The following DNM1L variants were observed in gnomAD, a reference collection of about 807,000 sequenced individuals.
DNM1L encodes dynamin-1-like protein.
A neutral mutation model predicts 92.8 loss-of-function variants in DNM1L; 33 were observed. The observed-to-expected ratio is 0.36, with a 90% CI of 0.27 to 0.48. DNM1L has a LOEUF of 0.48. DNM1L is among the 20% of genes least tolerant of loss of function. The pLI is 0.99. For synonymous variants in DNM1L, 284 were observed against 305.0 expected (o/e 0.93, Z 0.72); for missense variants, 485 against 888.8 (o/e 0.55, Z 5.78).
In DNM1L at chr12:32,731,905, TGTC is replaced by T; in HGVS notation, c.1409_1411del (p.Cys470_Leu471delinsPhe). On this transcript the variant is annotated inframe_deletion, in exon 12 of 20. Coordinates refer to ENST00000549701, the MANE Select transcript of DNM1L (RefSeq NM_012062.5). The surrounding 1 kb of genome is among the most constrained non-coding windows in gnomAD (Gnocchi z 5.1). ...TGATGCCATAGTTGAAGTGGTGACT[TGTC>T]TTCTTCGTAAAAGGTTGCCTGTTAC... 6.2e-7 allele frequency: 1 copy of T among 1,614,062 alleles called. No individual in the cohort carries two copies. The highest frequency in any genetic ancestry group is 8.5e-7 in the Non-Finnish European group (1 of 1,179,932).
At chr12:32,730,666 GATTGTGA>G (rs1383622737) in intron 9 of DNM1L, among the ~76,000 whole-genome samples, 3 of 152,218 alleles carry the variant, frequency 2.0e-5, no homozygotes, top group African/African-American at 7.2e-5. Flanking sequence ...CTCTACTTCA[GATTGTGA>G]ATCAATGGAA....
chr12:32,686,937 CTTTTT>C (rs71447614), intron 1 of DNM1L, among the ~76,000 whole-genome samples: 3 of 95,606 alleles, frequency 3.1e-5, no homozygotes, highest in African/African-American at 1.3e-4. Flanking sequence ...TCTTTTTTTT[CTTTTT>C]TTTTTTTTTT....
chr12:32,681,532 G>C (rs1321478089), intron 1 of DNM1L, among the ~76,000 whole-genome samples: 1 of 151,476 alleles, frequency 6.6e-6, no homozygotes, highest in Admixed American at 6.6e-5. Context: ...CCAGCAGAAA[G>C]AGAGAGAATA....
In DNM1L at chr12:32,738,287, A is replaced by C; in HGVS notation, c.1698A>C (p.Glu566Asp). ...AGTTAATTCAGGACAGCAGAAGAGA[A>C]ACTAAAAATGTGAGTCTCTTGCTTC... ...DGKLIQDSRR[E>D]TKNVASGGGG... Residue 566 changes from glutamate (E) to aspartate (D), a missense_variant, in exon 16 of 20, where the codon GAA (glutamate) becomes GAC (aspartate). By Grantham distance (45) the Glu-to-Asp change is conservative. This residue lies in a region of DNM1L where 133 missense variants were observed against 210.9 expected (regional missense o/e 0.63). Transcript: ENST00000549701. The C allele has an allele frequency of 6.2e-7, 1 of 1,613,686 alleles. No homozygotes were observed. Among genetic ancestry groups the C allele is most frequent in the African/African-American group, 1.3e-5 (1 of 75,050 alleles).
intron 6 of DNM1L, among the ~76,000 whole-genome samples, chr12:32,718,146 A>G (rs551879135): frequency 2.8e-5 from 4 of 142,148 alleles, no homozygotes; most frequent in African/African-American, 5.2e-5. Flanking sequence ...TATGTATAGT[A>G]TATATATATA....
In DNM1L at chr12:32,714,101, C is replaced by A. The variant is rs145749135; in HGVS notation, c.619+730C>A. Among the ~76,000 whole-genome samples, 111 of 152,122 alleles carry A rather than the reference C, an allele frequency of 7.3e-4. No individual in the cohort carries two copies. In the East Asian group the frequency reaches 0.018, roughly 25 times the overall value. On this transcript the variant is annotated intron_variant, in intron 6 of 19. Coordinates refer to ENST00000549701, the MANE Select transcript of DNM1L (RefSeq NM_012062.5). ...TGTTGCTAACAAATGTATGCATGGC[C>A]TCATATAGAAACCATTTTTTTCACC...
In DNM1L at chr12:32,745,100, G is replaced by A. The variant is rs573618824; in HGVS notation, c.*1690G>A. ...AAAAACCCCCACATCAGTCTGATAC[G>A]ATATGGTACTACTTTGAATCTGTTA... is the stretch of plus-strand genomic sequence containing the variant. On this transcript the variant is annotated 3_prime_UTR_variant, in exon 20 of 20. Transcript: ENST00000549701. 7.8e-5 allele frequency: 36 copies of A among 459,958 alleles called. No individual in the cohort carries two copies. The highest frequency in any genetic ancestry group is 7.4e-4 in the Middle Eastern group (2 of 2,696). The allele number at this position is 459,958 out of a possible 1,614,324, so 28.5% of individuals were successfully genotyped here.
At chr12:32,692,105 C>T (rs1952257405) in intron 1 of DNM1L, among the ~76,000 whole-genome samples, 1 of 152,102 alleles carries the variant, frequency 6.6e-6, no homozygotes, top group South Asian at 2.1e-4. Context: ...TGTATTCATT[C>T]ATACTATAAC....
Position 32,740,108 on chromosome 12 carries a change from A to T in DNM1L, c.1752A>T (p.Pro584=), listed in dbSNP as rs150357590. The T allele has an allele frequency of 6.2e-7, 1 of 1,614,224 alleles. No individual in the cohort carries two copies. The highest frequency in any genetic ancestry group is 8.5e-7 in the Non-Finnish European group (1 of 1,180,034). The change falls in exon 17 of 20, where the codon CCA becomes CCT. Residue 584 remains proline, a synonymous_variant. Transcript: ENST00000549701. ...GGGVGDGVQE[P]TTGNWRGMLK... is the part of the protein sequence containing the mutation. The stretch of plus-strand genomic sequence containing the variant: ...GGGTTGGAGATGGTGTTCAAGAACC[A>T]ACCACAGGCAACTGGAGAGGAATGC...
At chr12:32,738,777 T>A (rs1955082601) in intron 16 of DNM1L, among the ~76,000 whole-genome samples, 2 of 152,334 alleles carry the variant, frequency 1.3e-5, no homozygotes, top group Middle Eastern at 3.4e-3. Context: ...CAATTCTTGA[T>A]AACCATTTTA....
At chr12:32,732,715 C>G in intron 12 of DNM1L, 1 of 401,412 alleles carries the variant, frequency 2.5e-6, no homozygotes, top group Non-Finnish European at 4.9e-6. Flanking sequence ...TTTAATAGAC[C>G]CTTTTTACCC....
At chr12:32,739,848 T>G (rs1955158857) in intron 16 of DNM1L, 1 of 581,930 alleles carries the variant, frequency 1.7e-6, no homozygotes, top group African/African-American at 1.9e-5. Flanking sequence ...GGTTGATGCC[T>G]TGCAAACAAC....
intron 14 of DNM1L, chr12:32,737,662 T>A (rs546438380): frequency 1.1e-4 from 61 of 546,386 alleles, no homozygotes; most frequent in South Asian, 1.0e-3. Flanking sequence ...GGATTTTTCT[T>A]ATGTATTCAT....
intron 8 of DNM1L, among the ~76,000 whole-genome samples, chr12:32,721,892 C>A (rs1214099693): frequency 6.6e-6 from 1 of 152,072 alleles, no homozygotes; most frequent in East Asian, 1.9e-4. Flanking sequence ...TAGCATATAC[C>A]CACTTACTGT....
intron 4 of DNM1L, 66 bp from the exon 5 acceptor site, chr12:32,710,863 C>T: frequency 7.8e-7 from 1 of 1,275,008 alleles, no homozygotes; most frequent in Admixed American, 2.1e-5. Context: ...TGTCTATGTA[C>T]TTGAAATGAA....
chr12:32,722,774 G>T lies in DNM1L; in HGVS notation c.1079+141G>T. The T allele has an allele frequency of 6.1e-6, 4 of 656,296 alleles. No individual in the cohort carries two copies. The South Asian group carries it at 7.5e-5, about 12-fold the overall frequency. 40.7% of individuals were successfully genotyped at this position (656,296 alleles called of 1,614,324 possible). The stretch of plus-strand genomic sequence containing the variant: ...AAATATAACTTTGTAGAGATAATAG[G>T]ATGATGTCTGGTTGTGTGAAAATAT... On this transcript the variant is annotated intron_variant, in intron 9 of 19. Transcript: ENST00000549701.
At chr12:32,743,290 C>T (rs188471700) in intron 19 of DNM1L, 64 bp from the exon 20 acceptor site, 68 of 1,432,806 alleles carry the variant, frequency 4.7e-5, no homozygotes, top group African/African-American at 2.7e-4. Context: ...AATTACCCTG[C>T]GTAATTCAGA....
At chr12:32,739,761 G>T in intron 16 of DNM1L, 1 of 340,106 alleles carries the variant, frequency 2.9e-6, no homozygotes, top group Non-Finnish European at 5.5e-6. Context: ...TTTAGTGTTT[G>T]AAGGGTGGGA....
intron 1 of DNM1L, among the ~76,000 whole-genome samples, chr12:32,681,097 G>A (rs1951783850): frequency 6.6e-6 from 1 of 152,148 alleles, no homozygotes; most frequent in Non-Finnish European, 1.5e-5. Context: ...AGTGGCAGGA[G>A]AGAAAAGTAA....
Sources: gnomAD v4.1 joint callset for allele counts (sites outside exome capture counted in the v4.1 genomes callset) on GRCh38, gnomAD v4.1.1 for gene constraint, gnomAD v4.1.1 regional missense constraint, Gnocchi (gnomAD v3.1) non-coding constraint, MANE v1.5 for transcripts, NCBI Gene and HGNC (gene_info 2026-07-23, HGNC 2026-07-21) for gene names.